Variants in TMEM268 observed in about 807,000 individuals in gnomAD.
The protein encoded by TMEM268 is transmembrane protein 268.
A neutral mutation model predicts 39.1 loss-of-function variants in TMEM268; 24 were observed. The ratio of observed to expected loss-of-function variants is 0.61; its 90% confidence interval spans 0.44 to 0.86. The LOEUF (loss-of-function observed/expected upper bound fraction) is 0.86, where lower values mean the gene tolerates loss of function less well. Ranked by LOEUF, TMEM268 falls within the 40% of genes least tolerant of loss-of-function variation. The pLI is 0.00. For synonymous variants in TMEM268, 176 were observed against 173.5 expected, an observed-to-expected ratio of 1.01 and a Z score of -0.12; for missense variants, 409 against 428.6, an observed-to-expected ratio of 0.95 and a Z score of 0.40.
chr9:114,611,101 C>T (rs1564280350), upstream of TMEM268: 1 of 152,538 alleles, frequency 6.6e-6, no homozygotes, highest in East Asian at 1.9e-4. Flanking sequence ...AACCCAAGTC[C>T]CCAATAAACT....
intron 2 of TMEM268, among the ~76,000 whole-genome samples, chr9:114,618,097 G>A (rs948775256): frequency 1.3e-5 from 2 of 151,804 alleles, no homozygotes; most frequent in Admixed American, 6.6e-5. Flanking sequence ...GGCTGGTCTC[G>A]AATTTCTGAC....
At position 114,640,883 on chromosome 9, in the gene TMEM268, T is replaced by C. The variant is rs939209012; in HGVS notation, c.849+2157T>C. 6.6e-5 allele frequency among the ~76,000 whole-genome samples: 10 copies of C among 150,528 alleles called. 1 individual carries two copies. Among genetic ancestry groups the C allele is most frequent in the South Asian group, 4.2e-4 (2 of 4,770 alleles). On this transcript the variant is annotated intron_variant, in intron 8 of 8. Transcript: ENST00000288502. Reference sequence around the variant, plus strand: ...TGTCTATTAGTCTCTCTCTCTCTCTTTTTTTTTTTCGAGAGGGAGTTTTGC... The same window carrying C: ...TGTCTATTAGTCTCTCTCTCTCTCTCTTTTTTTTTCGAGAGGGAGTTTTGC...
At chr9:114,622,109 C>T (rs1329817740) in intron 2 of TMEM268, 1 of 985,144 alleles carries the variant, frequency 1.0e-6, no homozygotes, top group Non-Finnish European at 1.2e-6. Context: ...GTTGGCAGGG[C>T]TTGGTGATAC....
chr9:114,610,447 C>A (rs1432107624), upstream of TMEM268, among the ~76,000 whole-genome samples: 1 of 152,192 alleles, frequency 6.6e-6, no homozygotes, highest in Non-Finnish European at 1.5e-5. Flanking sequence ...GTGGCGCGTT[C>A]TGGCCGATGA....
upstream of TMEM268, among the ~76,000 whole-genome samples, chr9:114,610,371 A>G (rs1478145546): frequency 6.6e-6 from 1 of 152,186 alleles, no homozygotes; most frequent in African/African-American, 2.4e-5. Flanking sequence ...AAACGCAATA[A>G]CTTTTGCGCA....
At chr9:114,642,360 T>A (rs545093505) in intron 8 of TMEM268, among the ~76,000 whole-genome samples, 2 of 146,096 alleles carry the variant, frequency 1.4e-5, no homozygotes, top group African/African-American at 4.9e-5. Flanking sequence ...TGTTTTTCTT[T>A]CTTTTTTTTT....
chr9:114,622,419 C>T, intron 2 of TMEM268: 1 of 985,344 alleles, frequency 1.0e-6, no homozygotes. Flanking sequence ...GGCTGCTGAC[C>T]AGTGGCTCAC....
upstream of TMEM268, chr9:114,611,066 G>C (rs912335897): frequency 6.6e-6 from 1 of 152,264 alleles, no homozygotes; most frequent in Non-Finnish European, 1.5e-5. Context: ...TAAAAACAAC[G>C]ACAAAACCAA....
intron 3 of TMEM268, among the ~76,000 whole-genome samples, chr9:114,625,899 T>C (rs1364010209): frequency 6.6e-6 from 1 of 151,670 alleles, no homozygotes; most frequent in Admixed American, 6.6e-5. Context: ...TGATCTCGGC[T>C]CACTGCAACC....
intron 5 of TMEM268, among the ~76,000 whole-genome samples, chr9:114,632,314 C>T (rs1483617530): frequency 6.6e-6 from 1 of 152,126 alleles, no homozygotes; most frequent in Non-Finnish European, 1.5e-5. Flanking sequence ...CCCTGGCCCT[C>T]ATCCACTAAG....
rs773928523 is a variant in TMEM268, at chr9:114,617,241, C to A, written c.46C>A (p.Pro16Thr). 5.6e-6 allele frequency: 9 copies of A among 1,611,972 alleles called. No homozygotes were observed. The African/African-American group carries it at 6.7e-5, about 12-fold the overall frequency. ...GGACCCGGGGGCCACTGGCCCATTG[C>A]CCCCCTCCTCCCCTGGCTGGAGTGC... ...QVDPGATGPL[P>T]PSSPGWSALP... The change falls in exon 2 of 9, where the codon CCC (proline) becomes ACC (threonine). Residue 16 changes from proline to threonine, a missense_variant. Coordinates refer to ENST00000288502, the MANE Select transcript of TMEM268 (RefSeq NM_153045.4).
intron 5 of TMEM268, among the ~76,000 whole-genome samples, chr9:114,629,137 A>G (rs1435050654): frequency 6.6e-6 from 1 of 152,256 alleles, no homozygotes; most frequent in East Asian, 1.9e-4. Context: ...GTTCTTAGCC[A>G]CAACGCTAGA....
chr9:114,629,556 C>G (rs910657404), intron 5 of TMEM268, among the ~76,000 whole-genome samples: 1 of 152,228 alleles, frequency 6.6e-6, no homozygotes, highest in South Asian at 2.1e-4. Flanking sequence ...TAAATTTCAT[C>G]GGTGGCTTTA....
chr9:114,622,588 TG>T (rs1412017262), intron 2 of TMEM268: 2 of 842,082 alleles, frequency 2.4e-6, no homozygotes, highest in African/African-American at 3.7e-5. Flanking sequence ...TCTCATGGTC[TG>T]GCTTCATCCT....
Position 114,616,205 on chromosome 9 carries a change from C to T in TMEM268, c.-78-913C>T, listed in dbSNP as rs550262152. Reference sequence around the variant, plus strand: ...TAATTTTTTGTATTTTTAGTAGAGACGGGGTTTCCCCATGTTAGCCAGGAT... The same window carrying T: ...TAATTTTTTGTATTTTTAGTAGAGATGGGGTTTCCCCATGTTAGCCAGGAT... On this transcript the variant is annotated intron_variant, in intron 1 of 8. Transcript: ENST00000288502. Among the ~76,000 whole-genome samples the T allele has an allele frequency of 1.4e-4, 21 of 151,220 alleles. No homozygotes were observed. The East Asian group carries it at 3.0e-3, about 21-fold the overall frequency.
intron 2 of TMEM268, 152 bp from the exon 3 acceptor site, chr9:114,624,198 C>T (rs1309757392): frequency 7.0e-7 from 1 of 1,420,504 alleles, no homozygotes; most frequent in African/African-American, 1.4e-5. Context: ...TCCAGTCCTT[C>T]TCTCAAGAGG....
At chr9:114,604,529 GA>G in the TMEM268 span, among the ~76,000 whole-genome samples, 1 of 139,802 alleles carries the variant, frequency 7.2e-6, no homozygotes, top group African/African-American at 2.7e-5. Context: ...GCAGTGAGCT[GA>G]GATCGAGATC....
chr9:114,635,091 A>G (rs62579682), intron 6 of TMEM268, among the ~76,000 whole-genome samples: 11,785 of 152,274 alleles, frequency 0.077, 627 homozygotes, highest in South Asian at 0.15. Flanking sequence ...CTGTAATCCC[A>G]GCACTTTGGG....
chr9:114,605,701 G>A, the TMEM268 span, among the ~76,000 whole-genome samples: 2 of 151,996 alleles, frequency 1.3e-5, no homozygotes, highest in East Asian at 1.9e-4. Flanking sequence ...TGGGTGGATC[G>A]CTTGAGCTTA....
Sources: allele counts gnomAD v4.1 joint callset (sites outside exome capture counted in the v4.1 genomes callset), GRCh38; gene constraint gnomAD v4.1.1; transcripts MANE v1.5; gene names NCBI Gene and HGNC (gene_info 2026-07-23, HGNC 2026-07-21).